Variants in DDX60 observed in about 807,000 individuals in gnomAD.
DDX60 encodes the protein DExD/H-box helicase 60, also known as probable ATP-dependent RNA helicase DDX60.
DDX60 carries 165 observed loss-of-function variants against 212.8 expected under a neutral mutation model. That is an observed-to-expected ratio of 0.78 (90% confidence interval 0.68 to 0.88). The LOEUF (loss-of-function observed/expected upper bound fraction) is 0.88, where lower values mean the gene tolerates loss of function less well. Ranked by LOEUF, DDX60 falls within the 40% of genes least tolerant of loss-of-function variation. DDX60 has a pLI of 0.00. For missense variants in DDX60, 1,905 were observed against 2,003.9 expected (o/e 0.95, Z 0.94); for synonymous variants, 703 against 685.3 (o/e 1.03, Z -0.40).
intron 19 of DDX60, among the ~76,000 whole-genome samples, chr4:168,269,927 A>G (rs1027732665): frequency 1.3e-5 from 2 of 152,130 alleles, no homozygotes; most frequent in African/African-American, 4.8e-5. Flanking sequence ...CCACTCCATA[A>G]AAAAGACTTT....
chr4:168,251,730 A>T (rs1734228114), intron 27 of DDX60, among the ~76,000 whole-genome samples: 1 of 152,200 alleles, frequency 6.6e-6, no homozygotes, highest in Non-Finnish European at 1.5e-5. Flanking sequence ...ATCGAAATAC[A>T]TGGTTATAAA....
chr4:168,251,241 A>G (rs1734209432), intron 27 of DDX60, 135 bp from the exon 28 acceptor site: 1 of 775,832 alleles, frequency 1.3e-6, no homozygotes, highest in Non-Finnish European at 2.0e-6. Context: ...CTACATGAAT[A>G]CAAAGAACAT....
intron 30 of DDX60, among the ~76,000 whole-genome samples, chr4:168,243,744 T>G (rs567974911): frequency 2.8e-4 from 42 of 152,236 alleles, no homozygotes; most frequent in African/African-American, 7.9e-4. Flanking sequence ...ACCCAGCAAT[T>G]CCATTGCTGG....
At chr4:168,317,169 T>C (rs1346017429) in intron 1 of DDX60, among the ~76,000 whole-genome samples, 1 of 151,504 alleles carries the variant, frequency 6.6e-6, no homozygotes, top group Admixed American at 6.6e-5. Flanking sequence ...CAAAATATGT[T>C]AAATGACACC....
intron 25 of DDX60, 81 bp downstream of exon 25, chr4:168,260,784 C>T: frequency 8.0e-7 from 1 of 1,252,940 alleles, no homozygotes; most frequent in South Asian, 1.4e-5. Context: ...TGGTCTGTGG[C>T]CTGGAGGTTG....
At chr4:168,315,783 T>C (rs1560887187) in intron 1 of DDX60, among the ~76,000 whole-genome samples, 4 of 152,228 alleles carry the variant, frequency 2.6e-5, no homozygotes, top group Admixed American at 1.3e-4. Context: ...TGCATAGTGT[T>C]CCATGGGGTA....
In DDX60 at chr4:168,236,096, AGAT is replaced by A. The variant is rs542297123; in HGVS notation, c.4533+153_4533+155del. The A allele has an allele frequency of 5.7e-5, 35 of 611,548 alleles. 1 individual carries two copies. The highest frequency in any genetic ancestry group is 5.5e-4 in the South Asian group (19 of 34,252). The allele number at this position is 611,548 out of a possible 1,614,324, so 37.9% of individuals were successfully genotyped here. A position where few individuals can be genotyped will look rare whatever the true frequency, so the allele number is the denominator to read the frequency against. On this transcript the variant is annotated intron_variant, in intron 33 of 37. Transcript: ENST00000393743. ...ATTTACAGAGGGAGACATCAATTAC[AGAT>A]TAAATATCACACTGATTACAAAAAG...
intron 10 of DDX60, among the ~76,000 whole-genome samples, chr4:168,286,457 T>TAGATAC (rs759142577): frequency 8.2e-5 from 11 of 134,082 alleles, no homozygotes; most frequent in Admixed American, 3.7e-4. Context: ...TAGATAGATA[T>TAGATAC]TACATATCAA....
At chr4:168,254,602 G>T (rs1188382806) in intron 26 of DDX60, among the ~76,000 whole-genome samples, 2 of 152,144 alleles carry the variant, frequency 1.3e-5, no homozygotes, top group Admixed American at 6.5e-5. Context: ...CACGGTTCCT[G>T]TTGAAAAGGA....
rs1736112642 is a variant in DDX60, at chr4:168,291,740, A to G, written c.1041+8T>C. The G allele has an allele frequency of 6.4e-7, 1 of 1,567,546 alleles. No individual in the cohort carries two copies. The highest frequency in any genetic ancestry group is 1.2e-5 in the South Asian group (1 of 83,286). On this transcript the variant is annotated splice_region_variant and intron_variant, in intron 8 of 37. Transcript: ENST00000393743. ...CAAAAATAGTAAACTAATAAAGAGTACATTTACCATTTGTAATAAAGGCTT... is the reference window on the plus strand; with the variant it reads ...CAAAAATAGTAAACTAATAAAGAGTGCATTTACCATTTGTAATAAAGGCTT...
At chr4:168,217,874 A>T (rs962998634) in intron 37 of DDX60, among the ~76,000 whole-genome samples, 2 of 152,196 alleles carry the variant, frequency 1.3e-5, no homozygotes, top group African/African-American at 4.8e-5. Flanking sequence ...TGACAACTGG[A>T]TTGAGCCCAA....
Position 168,267,855 on chromosome 4 carries a change from T to C in DDX60, c.2915A>G (p.Tyr972Cys). 1 of 1,611,540 alleles carries C rather than the reference T, an allele frequency of 6.2e-7. No homozygotes were observed. Among genetic ancestry groups the C allele is most frequent in the Non-Finnish European group, 8.5e-7 (1 of 1,178,884 alleles). Residue 972 changes from tyrosine (Y) to cysteine (C), a missense_variant, in exon 21 of 38, where the codon TAT becomes TGT. Physicochemically the swap from Tyr to Cys is radical, Grantham distance 194. Transcript: ENST00000393743. ...PKDYLQVKQS[Y>C]KVRLVLYGER... Reference sequence around the variant, plus strand: ...ATCAAACATACCAAGTCTAACTTTATACGATTGTTTTACTTGCAAGTAGTC... The same window carrying C: ...ATCAAACATACCAAGTCTAACTTTACACGATTGTTTTACTTGCAAGTAGTC...
upstream of DDX60, among the ~76,000 whole-genome samples, chr4:168,319,211 T>TA (rs771793670): frequency 1.8e-3 from 265 of 151,368 alleles, 4 homozygotes; most frequent in African/African-American, 3.1e-3. Context: ...AAAATGAAAC[T>TA]AAAAAAAACC....
chr4:168,286,904 ATAAG>A, intron 10 of DDX60, 140 bp downstream of exon 10: 1 of 583,030 alleles, frequency 1.7e-6, no homozygotes, highest in Non-Finnish European at 2.9e-6. Context: ...CTCCAAGGAT[ATAAG>A]AATAAAGGTA....
intron 6 of DDX60, among the ~76,000 whole-genome samples, chr4:168,296,394 AAAGG>A (rs1325991307): frequency 1.3e-5 from 2 of 152,118 alleles, no homozygotes; most frequent in African/African-American, 4.8e-5. Flanking sequence ...AAGCTTTAAA[AAAGG>A]AAGAAGTATC....
At chr4:168,294,037 T>G in intron 6 of DDX60, 92 bp from the exon 7 acceptor site, 12 of 1,147,132 alleles carry the variant, frequency 1.0e-5, no homozygotes, top group African/African-American at 1.6e-5. Flanking sequence ...CTAGGCTTAA[T>G]ACATGTGTGA....
At position 168,225,652 on chromosome 4, in the gene DDX60, C is replaced by T; in HGVS notation, c.4558G>A (p.Asp1520Asn). 1 of 1,611,180 alleles carries T rather than the reference C, an allele frequency of 6.2e-7. No homozygotes were observed. The highest frequency in any genetic ancestry group is 8.5e-7 in the Non-Finnish European group (1 of 1,178,724). ...SKVFLDDLPE[D>N]FSDALDEYNM... ...TATTCATCTAAAGCATCACTAAAAT[C>T]CTCAGGGAGATCATCAAGGAACACC... Residue 1520 changes from aspartate to asparagine, a missense_variant, in exon 34 of 38, where the codon GAT becomes AAT. By Grantham distance (23) the Asp-to-Asn change is conservative (BLOSUM62 1). Coordinates refer to ENST00000393743, the MANE Select transcript of DDX60 (RefSeq NM_017631.6).
chr4:168,303,298 T>C (rs1001787736), intron 5 of DDX60, among the ~76,000 whole-genome samples: 12 of 134,114 alleles, frequency 8.9e-5, no homozygotes, highest in African/African-American at 3.9e-4. Context: ...CGAGACTCTG[T>C]CTCCAAAAAA....
Position 168,285,608 on chromosome 4 carries a change from T to C in DDX60, c.1340-110A>G. 4.5e-6 allele frequency: 3 copies of C among 669,474 alleles called. No homozygotes were observed. The East Asian group carries it at 8.3e-5, about 19-fold the overall frequency. The allele number at this position is 669,474 out of a possible 1,614,324, so 41.5% of individuals were successfully genotyped here. On this transcript the variant is annotated intron_variant, in intron 10 of 37. Coordinates refer to ENST00000393743, the MANE Select transcript of DDX60 (RefSeq NM_017631.6). The stretch of plus-strand genomic sequence containing the variant: ...ATATTAAAAACATTTTATATTAATC[T>C]TATTTACATATATCAAGTTCAGCCC...
Sources: gnomAD v4.1 joint callset for allele counts (sites outside exome capture counted in the v4.1 genomes callset) on GRCh38, gnomAD v4.1.1 for gene constraint, MANE v1.5 for transcripts, NCBI Gene and HGNC (gene_info 2026-07-23, HGNC 2026-07-21) for gene names.